EXTL3: variants seen among roughly 807,000 people sequenced by gnomAD.
EXTL3 encodes the protein exostosin-like 3.
Under a neutral mutation model 69.3 loss-of-function variants are expected in EXTL3, and 27 were observed. That is an observed-to-expected ratio of 0.39 (90% CI 0.29 to 0.54). The LOEUF (loss-of-function observed/expected upper bound fraction) is 0.54. Among genes scored for constraint, EXTL3 ranks in the 20% least tolerant of loss-of-function variants. The pLI is 0.69. For synonymous variants in EXTL3, 511 were observed against 499.4 expected, an observed-to-expected ratio of 1.02 and a Z score of -0.31; for missense variants, 1,003 against 1,231.8, an observed-to-expected ratio of 0.81 and a Z score of 2.78.
At chr8:28,695,998 G>A (rs1260183139) in intron 1 of EXTL3, among the ~76,000 whole-genome samples, 2 of 151,770 alleles carry the variant, frequency 1.3e-5, no homozygotes, top group Non-Finnish European at 2.9e-5. Context: ...GCTCACTGCA[G>A]CCTCAACCTC....
At chr8:28,650,482 C>A (rs549515436) in intron 1 of EXTL3, among the ~76,000 whole-genome samples, 1 of 151,874 alleles carries the variant, frequency 6.6e-6, no homozygotes, top group African/African-American at 2.4e-5. Flanking sequence ...CTCAGCCTCC[C>A]GAGCAGCTGG....
intron 1 of EXTL3, among the ~76,000 whole-genome samples, chr8:28,660,422 C>T (rs1203776167): frequency 6.6e-6 from 1 of 151,814 alleles, no homozygotes; most frequent in East Asian, 1.9e-4. Context: ...GTACGTTAAG[C>T]TCTCATACAA....
chr8:28,656,381 T>G (rs1170591052), intron 1 of EXTL3, among the ~76,000 whole-genome samples: 1 of 152,170 alleles, frequency 6.6e-6, no homozygotes, highest in African/African-American at 2.4e-5. Flanking sequence ...CAGGCTGGTT[T>G]TAAACTCCTG....
intron 1 of EXTL3, among the ~76,000 whole-genome samples, chr8:28,632,304 A>G (rs1055094172): frequency 6.6e-6 from 1 of 152,020 alleles, no homozygotes; most frequent in African/African-American, 2.4e-5. Context: ...CTGAGGCAGG[A>G]GAATCGCTTA....
intron 3 of EXTL3, among the ~76,000 whole-genome samples, chr8:28,724,982 C>G (rs1801381835): frequency 6.6e-6 from 1 of 152,110 alleles, no homozygotes; most frequent in African/African-American, 2.4e-5. Flanking sequence ...TTCCTGAGTT[C>G]TCTGATGGTT....
chr8:28,630,771 G>A (rs1224580398), intron 1 of EXTL3, among the ~76,000 whole-genome samples: 2 of 152,210 alleles, frequency 1.3e-5, no homozygotes, highest in African/African-American at 4.8e-5. Flanking sequence ...TATAACTGGG[G>A]CGGAGGAAGA....
At chr8:28,628,101 C>G (rs1015025154) in intron 1 of EXTL3, among the ~76,000 whole-genome samples, 1 of 152,180 alleles carries the variant, frequency 6.6e-6, no homozygotes, top group African/African-American at 2.4e-5. Flanking sequence ...TGACTCAACA[C>G]CTGTAATCCT....
chr8:28,694,101 C>G (rs1222368565), intron 1 of EXTL3, among the ~76,000 whole-genome samples: 4 of 152,166 alleles, frequency 2.6e-5, no homozygotes, highest in Non-Finnish European at 4.4e-5. Flanking sequence ...AGGCACCTCC[C>G]TCTCTGAGAC....
chr8:28,663,965 G>C (rs1355655210), intron 1 of EXTL3, among the ~76,000 whole-genome samples: 3 of 152,210 alleles, frequency 2.0e-5, no homozygotes, highest in African/African-American at 4.8e-5. Context: ...CCTGGGAAAA[G>C]AGGAAGAAAA....
At chr8:28,628,986 G>GA (rs1423058872) in intron 1 of EXTL3, among the ~76,000 whole-genome samples, 5 of 152,152 alleles carry the variant, frequency 3.3e-5, no homozygotes, top group Admixed American at 6.5e-5. Flanking sequence ...ATTCCTGGAG[G>GA]AAAAATCACA....
chr8:28,629,183 G>A lies in EXTL3; in HGVS notation c.-53+6373G>A, dbSNP rs576671572. On this transcript the variant is annotated intron_variant, in intron 1 of 6. Transcript: ENST00000523149. The stretch of plus-strand genomic sequence containing the variant: ...CCCCACCCTCCAATTCCCCCTGAAA[G>A]ACAACCAGTGCCTGGTACTGAGAAG... Among the ~76,000 whole-genome samples, 37 of 112,838 alleles carry A rather than the reference G, an allele frequency of 3.3e-4. 1 individual carries two copies. Among genetic ancestry groups the A allele is most frequent in the Admixed American group, 1.4e-3 (10 of 7,332 alleles). 74.0% of individuals were successfully genotyped at this position (112,838 alleles called of 152,430 possible).
intron 6 of EXTL3, among the ~76,000 whole-genome samples, chr8:28,745,887 C>T (rs1801878691): frequency 1.3e-5 from 2 of 152,178 alleles, no homozygotes; most frequent in Admixed American, 6.5e-5. Flanking sequence ...TGAGTATTCT[C>T]TGTGAATTTT....
At chr8:28,749,005 C>G (rs1379586695) in intron 6 of EXTL3, among the ~76,000 whole-genome samples, 1 of 151,966 alleles carries the variant, frequency 6.6e-6, no homozygotes, top group Non-Finnish European at 1.5e-5. Context: ...CAAAATAAAA[C>G]CAAAAATCTG....
At position 28,750,371 on chromosome 8, in the gene EXTL3, A is replaced by C. The variant is rs1462564930; in HGVS notation, c.2551-286A>C. On this transcript the variant is annotated intron_variant, in intron 6 of 6. Coordinates refer to ENST00000220562, the MANE Select transcript of EXTL3 (RefSeq NM_001440.4). This position sits in a 1 kb window ranked among gnomAD's most constrained non-coding sequence, Gnocchi z 5.2. ...TACCTATGGCTCTGCAACCAAGTAC[A>C]TACTAGGAGTAGACTTACTGAGACA... is the stretch of plus-strand genomic sequence containing the variant. 6.6e-6 allele frequency among the ~76,000 whole-genome samples: 1 copy of C among 152,234 alleles called. No homozygotes were observed. The highest frequency in any genetic ancestry group is 1.5e-5 in the Non-Finnish European group (1 of 68,036).
At chr8:28,707,506 T>G (rs985200125) in intron 1 of EXTL3, among the ~76,000 whole-genome samples, 10 of 152,268 alleles carry the variant, frequency 6.6e-5, no homozygotes, top group Non-Finnish European at 1.5e-4. Context: ...TGCATTGAAG[T>G]GCGGACTTTC....
chr8:28,671,710 C>T (rs1310733449), intron 1 of EXTL3, among the ~76,000 whole-genome samples: 1 of 152,208 alleles, frequency 6.6e-6, no homozygotes, highest in Non-Finnish European at 1.5e-5. Flanking sequence ...CATGTTAATG[C>T]ATCAGTCACT....
chr8:28,667,478 G>T (rs1427866841), intron 1 of EXTL3, among the ~76,000 whole-genome samples: 1 of 152,158 alleles, frequency 6.6e-6, no homozygotes, highest in Non-Finnish European at 1.5e-5. Context: ...TTGGCCAAGT[G>T]GCTACCCTCC....
intron 1 of EXTL3, among the ~76,000 whole-genome samples, chr8:28,687,789 G>A (rs991920800): frequency 2.0e-5 from 3 of 152,200 alleles, no homozygotes; most frequent in Non-Finnish European, 4.4e-5. Context: ...GAGAGGCAAT[G>A]CCATGCAAAG....
intron 1 of EXTL3, among the ~76,000 whole-genome samples, chr8:28,708,219 C>A (rs1316743913): frequency 6.6e-6 from 1 of 152,186 alleles, no homozygotes; most frequent in Non-Finnish European, 1.5e-5. Context: ...CAAGGCACAA[C>A]CAGTTTTTCA....
Sources: allele counts gnomAD v4.1 joint callset (sites outside exome capture counted in the v4.1 genomes callset), GRCh38; gene constraint gnomAD v4.1.1; non-coding constraint Gnocchi (gnomAD v3.1); transcripts MANE v1.5; gene names NCBI Gene and HGNC (gene_info 2026-07-23, HGNC 2026-07-21).